Variants in C16orf89 observed in about 807,000 individuals in gnomAD.
C16orf89 encodes chromosome 16 open reading frame 89.
Under a neutral mutation model 41.5 loss-of-function variants are expected in C16orf89, and 57 were observed. The ratio of observed to expected loss-of-function variants is 1.38; its 90% confidence interval spans 1.11 to 1.71. The LOEUF (loss-of-function observed/expected upper bound fraction) is 1.71, where lower values mean the gene tolerates loss of function less well. C16orf89 is among the 40% of genes most tolerant of loss of function. The probability of loss-of-function intolerance (pLI) is 0.00; values close to 1 mark genes in which losing one functional copy is unlikely to be tolerated. For missense variants in C16orf89, 575 were observed against 445.9 expected, an observed-to-expected ratio of 1.29 and a Z score of -2.61; for synonymous variants, 223 against 190.6, an observed-to-expected ratio of 1.17 and a Z score of -1.40.
intron 7 of C16orf89, among the ~76,000 whole-genome samples, chr16:5,045,304 G>A (rs1353565973): frequency 6.6e-6 from 1 of 152,244 alleles, no homozygotes; most frequent in African/African-American, 2.4e-5. Context: ...GACCCCAGTG[G>A]CCTTCCTCTT....
rs531301214 is a variant in C16orf89 at position 5,055,938 on chromosome 16, C to CGT, written c.763+113_763+114dup. 6.9e-3 allele frequency: 6,225 copies of CGT among 906,136 alleles called. 46 individuals are homozygous for CGT. The highest frequency in any genetic ancestry group is 0.022 in the East Asian group (663 of 29,744). 56.1% of individuals were successfully genotyped at this position (906,136 alleles called of 1,614,324 possible). A position where few individuals can be genotyped will look rare whatever the true frequency, so the allele number is the denominator to read the frequency against. On this transcript the variant is annotated intron_variant, in intron 5 of 7. Transcript: ENST00000472572. ...TTTTACTTGCTTAATCTGGCAACTC[C>CGT]GTGTGTGTGTGTGTGTGTGTGTGTG... is the stretch of plus-strand genomic sequence containing the variant.
intron 4 of C16orf89, 142 bp from the exon 5 acceptor site, chr16:5,056,330 C>G (rs1596695859): frequency 1.1e-5 from 8 of 713,896 alleles, no homozygotes; most frequent in East Asian, 2.9e-5. Context: ...GTCTTTTTCT[C>G]CTTTTCGCAG....
intron 2 of C16orf89, among the ~76,000 whole-genome samples, chr16:5,061,851 G>A (rs969947784): frequency 3.9e-5 from 6 of 152,066 alleles, no homozygotes; most frequent in Non-Finnish European, 8.8e-5. Flanking sequence ...TTTGTGCCCC[G>A]CCCTTGCCAT....
chr16:5,058,403 G>C (rs1269104536), intron 4 of C16orf89, 90 bp downstream of exon 4: 1 of 1,196,264 alleles, frequency 8.4e-7, no homozygotes, highest in Non-Finnish European at 1.2e-6. Context: ...AAAGTGCTTG[G>C]ATTACAGGCA....
At chr16:5,043,215 C>A (rs1442223913), downstream of C16orf89, 2 of 152,830 alleles carry the variant, frequency 1.3e-5, no homozygotes, top group Non-Finnish European at 2.9e-5. Context: ...CAGGTGTTCA[C>A]TACTGCACCC....
chr16:5,057,453 AAAG>A (rs940719295), intron 4 of C16orf89, among the ~76,000 whole-genome samples: 3 of 148,756 alleles, frequency 2.0e-5, no homozygotes, highest in African/African-American at 4.9e-5. Context: ...TATATAAAGA[AAAG>A]AAATATATAT....
intron 2 of C16orf89, among the ~76,000 whole-genome samples, chr16:5,060,863 G>T (rs960215603): frequency 1.6e-4 from 24 of 151,628 alleles, no homozygotes; most frequent in Admixed American, 1.4e-3. Flanking sequence ...GCCAGGTGTG[G>T]TGGTGTGCAC....
chr16:5,058,443 CT>C, intron 4 of C16orf89, 49 bp downstream of exon 4: 2 of 1,509,698 alleles, frequency 1.3e-6, no homozygotes, highest in Admixed American at 1.7e-5. Flanking sequence ...GCCCCTTTTC[CT>C]TTTTCCTTCC....
intron 5 of C16orf89, 59 bp from the exon 6 acceptor site, chr16:5,055,409 T>G: frequency 7.0e-7 from 1 of 1,427,086 alleles, no homozygotes; most frequent in Non-Finnish European, 9.7e-7. Flanking sequence ...CTCCTCCCAC[T>G]CCCCAGGGCT....
At chr16:5,064,415 C>T (rs369809355) in intron 1 of C16orf89, among the ~76,000 whole-genome samples, 5 of 152,288 alleles carry the variant, frequency 3.3e-5, no homozygotes, top group African/African-American at 1.2e-4. Context: ...AAGTACTGAG[C>T]CCCACTGGTA....
intron 7 of C16orf89, among the ~76,000 whole-genome samples, chr16:5,045,911 A>C (rs1272014880): frequency 6.6e-6 from 1 of 152,192 alleles, no homozygotes; most frequent in African/African-American, 2.4e-5. Context: ...GAGGTGTTCC[A>C]GGAAAGGCCT....
At chr16:5,064,138 TATA>T (rs999565389) in intron 1 of C16orf89, among the ~76,000 whole-genome samples, 5 of 151,376 alleles carry the variant, frequency 3.3e-5, no homozygotes, top group African/African-American at 1.2e-4. Flanking sequence ...ATAATAATAA[TATA>T]ATAATAATAA....
At chr16:5,043,710 T>G (rs1183602291), downstream of C16orf89, 1 of 152,136 alleles carries the variant, frequency 6.6e-6, no homozygotes, top group Non-Finnish European at 1.5e-5. Flanking sequence ...CTTTAAGATA[T>G]CAGTTTATGG....
At chr16:5,061,886 T>C (rs919582425) in intron 2 of C16orf89, among the ~76,000 whole-genome samples, 5 of 152,022 alleles carry the variant, frequency 3.3e-5, no homozygotes, top group East Asian at 3.9e-4. Flanking sequence ...GCCAAACTTA[T>C]TAGATGGGAC....
chr16:5,065,865 A>C lies in C16orf89; in HGVS notation c.44T>G (p.Leu15Arg), dbSNP rs547525825. 58 of 1,614,220 alleles carry C rather than the reference A, an allele frequency of 3.6e-5. No individual in the cohort carries two copies. In the African/African-American group the frequency reaches 6.4e-4, roughly 18 times the overall value. Residue 15 changes from leucine (L) to arginine (R), a missense_variant, in exon 1 of 8, where the codon CTG becomes CGG. Coordinates refer to ENST00000472572, the MANE Select transcript of C16orf89 (RefSeq NM_001098514.3). ...GLLLLLLLTA[L>R]PPLWSSSLPG... ...CAGTGAGGAGGACCACAGCGGTGGC[A>C]GTGCTGTCAGTAAGAGCAGGAGCAG...
rs1343200845 is a variant in C16orf89 at position 5,060,266 on chromosome 16, A to C, written c.509+20T>G. 2 of 1,586,060 alleles carry C rather than the reference A, an allele frequency of 1.3e-6. No homozygotes were observed. On this transcript the variant is annotated intron_variant, in intron 3 of 7. Transcript: ENST00000472572. ...TAGTGCGTTTGGGTTTCCAGCAAAT[A>C]GGGCAAGTGCAGGGCCCACCCGGTT...
Position 5,065,930 on chromosome 16 carries a change from G to A in C16orf89, c.-22C>T. 3 of 1,609,218 alleles carry A rather than the reference G, an allele frequency of 1.9e-6. No individual in the cohort carries two copies. The highest frequency in any genetic ancestry group is 2.5e-6 in the Non-Finnish European group (3 of 1,178,310). Reference sequence around the variant, plus strand: ...CCATGGCCGGCCTCTGCTCACTGCTGGTCACACGCTCAGCACCCTGAGCTC... The same window carrying A: ...CCATGGCCGGCCTCTGCTCACTGCTAGTCACACGCTCAGCACCCTGAGCTC... On this transcript the variant is annotated 5_prime_UTR_variant, in exon 1 of 8. Coordinates refer to ENST00000472572, the MANE Select transcript of C16orf89 (RefSeq NM_001098514.3).
Position 5,047,913 on chromosome 16 carries a change from G to T in C16orf89, c.920C>A (p.Ser307Ter). ...TTTTTCTCGCCTCTTCACTCTCCTC[G>T]AAAAATGCTGCTGATATTGAATAGC... ...SKAIQYQQHF[S>*]RRVKRREKQF... Residue 307 changes from serine to a stop codon, truncating the protein, a stop_gained, in exon 7 of 8, where the codon TCG (serine) becomes TAG (stop). Coordinates refer to ENST00000472572, the MANE Select transcript of C16orf89 (RefSeq NM_001098514.3). LOFTEE classifies it low-confidence loss of function (END_TRUNC). The T allele has an allele frequency of 1.9e-6, 3 of 1,604,590 alleles. No homozygotes were observed. Among genetic ancestry groups the T allele is most frequent in the East Asian group, 2.2e-5 (1 of 44,844 alleles).
intron 4 of C16orf89, 29 bp from the exon 5 acceptor site, chr16:5,056,217 G>T: frequency 6.4e-7 from 1 of 1,572,702 alleles, no homozygotes. Context: ...AAAGACAAGG[G>T]AGTCAGTGGT....
Sources: gnomAD v4.1 joint callset for allele counts (sites outside exome capture counted in the v4.1 genomes callset) on GRCh38, gnomAD v4.1.1 for gene constraint, MANE v1.5 for transcripts, NCBI Gene and HGNC (gene_info 2026-07-23, HGNC 2026-07-21) for gene names.